The following DGKI variants were observed in gnomAD, a reference collection of about 807,000 sequenced individuals.
DGKI encodes the protein diacylglycerol kinase iota.
In DGKI, 55 loss-of-function variants were observed where a neutral mutation model predicts 147.5. The ratio of observed to expected loss-of-function variants is 0.37; its 90% CI spans 0.30 to 0.47. The LOEUF is 0.47. Ranked by LOEUF, DGKI falls within the 20% of genes least tolerant of loss-of-function variation. The pLI, the probability that DGKI is intolerant of heterozygous loss-of-function variation, is 1.00. For missense variants in DGKI, 1,007 were observed against 1,323.8 expected, an observed-to-expected ratio of 0.76 and a Z score of 3.71; for synonymous variants, 469 against 477.1, an observed-to-expected ratio of 0.98 and a Z score of 0.22.
intron 1 of DGKI, among the ~76,000 whole-genome samples, chr7:137,765,482 TCTTCCAA>T (rs902493901): frequency 9.6e-4 from 147 of 152,358 alleles, no homozygotes; most frequent in African/African-American, 3.5e-3. Flanking sequence ...TCTTGTGCCC[TCTTCCAA>T]CTTGCTGGCA....
intron 20 of DGKI, among the ~76,000 whole-genome samples, chr7:137,540,012 C>G (rs146178854): frequency 1.2e-4 from 19 of 152,146 alleles, no homozygotes; most frequent in Admixed American, 3.9e-4. Flanking sequence ...TCAAATACTT[C>G]GAGCAACTAT....
chr7:137,567,783 TG>T (rs1818640351), intron 19 of DGKI, among the ~76,000 whole-genome samples: 1 of 152,216 alleles, frequency 6.6e-6, no homozygotes. Flanking sequence ...AATAATATAC[TG>T]TTATTGTGGT....
At chr7:137,630,356 C>T (rs1250166859) in intron 6 of DGKI, among the ~76,000 whole-genome samples, 1 of 152,124 alleles carries the variant, frequency 6.6e-6, no homozygotes, top group Non-Finnish European at 1.5e-5. Context: ...TTAATCAAAG[C>T]CAATCACCCC....
At chr7:137,807,330 A>T (rs1412703970) in intron 1 of DGKI, among the ~76,000 whole-genome samples, 1 of 152,244 alleles carries the variant, frequency 6.6e-6, no homozygotes, top group Non-Finnish European at 1.5e-5. Context: ...GCTGCTAGGA[A>T]TCAGTAACAG....
chr7:137,429,216 T>C (rs10272842), intron 28 of DGKI, among the ~76,000 whole-genome samples: 18,638 of 151,244 alleles, frequency 0.12, 1,228 homozygotes, highest in East Asian at 0.19. Flanking sequence ...TATAGATCAA[T>C]GGAACAGAAC....
intron 1 of DGKI, among the ~76,000 whole-genome samples, chr7:137,751,126 CA>C (rs2116757084): frequency 6.6e-6 from 1 of 152,264 alleles, no homozygotes; most frequent in East Asian, 1.9e-4. Context: ...GGCTTCATGT[CA>C]AATAACTTAC....
intron 21 of DGKI, among the ~76,000 whole-genome samples, chr7:137,507,480 G>A (rs563785239): frequency 4.8e-4 from 73 of 152,162 alleles, no homozygotes; most frequent in Non-Finnish European, 9.4e-4. Flanking sequence ...TAAGGAACAT[G>A]CAACTCACTT....
chr7:137,582,609 T>A (rs1289597023), intron 14 of DGKI, among the ~76,000 whole-genome samples: 1 of 152,250 alleles, frequency 6.6e-6, no homozygotes, highest in African/African-American at 2.4e-5. Context: ...ATCTTTATTA[T>A]GACCATGAAA....
chr7:137,816,137 G>A (rs1206216348), intron 1 of DGKI, among the ~76,000 whole-genome samples: 1 of 152,098 alleles, frequency 6.6e-6, no homozygotes, highest in Non-Finnish European at 1.5e-5. Context: ...GTCCATCTAT[G>A]TTTTGGATGC....
intron 10 of DGKI, among the ~76,000 whole-genome samples, chr7:137,603,724 G>A (rs990942217): frequency 6.6e-6 from 1 of 152,180 alleles, no homozygotes; most frequent in South Asian, 2.1e-4. Flanking sequence ...TGAAAAATGA[G>A]TAGACTTAAC....
In DGKI at chr7:137,800,157, T is replaced by C. The variant is rs1479803954; in HGVS notation, c.401+46305A>G. On this transcript the variant is annotated intron_variant, in intron 1 of 32. Transcript: ENST00000614521. ...GAATATGGCAAGGTTGGAGTTGAGA[T>C]TGTTGCTCAACAGAATTGGCAAATA... Among the ~76,000 whole-genome samples the C allele has an allele frequency of 2.6e-5, 4 of 152,108 alleles. No homozygotes were observed. In the East Asian group the frequency reaches 7.7e-4, roughly 29 times the overall value.
chr7:137,718,240 T>C (rs1474647260), intron 1 of DGKI, among the ~76,000 whole-genome samples: 4 of 152,156 alleles, frequency 2.6e-5, no homozygotes, highest in Admixed American at 6.5e-5. Context: ...GTAATATTAT[T>C]GTTGTGGTTG....
intron 1 of DGKI, among the ~76,000 whole-genome samples, chr7:137,726,765 A>T (rs1346783308): frequency 6.6e-6 from 1 of 152,172 alleles, no homozygotes; most frequent in Non-Finnish European, 1.5e-5. Context: ...GGGTTCAAAG[A>T]TTTTTAGCTA....
chr7:137,701,694 A>T (rs528009584), intron 1 of DGKI, among the ~76,000 whole-genome samples: 2 of 152,184 alleles, frequency 1.3e-5, no homozygotes, highest in Non-Finnish European at 2.9e-5. Context: ...AAAATTAAAG[A>T]TGTAAATAAA....
chr7:137,753,862 G>A (rs923608195), intron 1 of DGKI, among the ~76,000 whole-genome samples: 1 of 152,118 alleles, frequency 6.6e-6, no homozygotes, highest in Non-Finnish European at 1.5e-5. Flanking sequence ...CTCCTACAGA[G>A]CAGCCCCAAA....
chr7:137,791,464 C>T (rs1012988074), intron 1 of DGKI, among the ~76,000 whole-genome samples: 7 of 152,094 alleles, frequency 4.6e-5, no homozygotes, highest in African/African-American at 1.7e-4. Flanking sequence ...TTACAAAAGG[C>T]AAGCCAACTT....
intron 20 of DGKI, among the ~76,000 whole-genome samples, chr7:137,538,555 C>T (rs748154126): frequency 5.3e-5 from 8 of 152,302 alleles, no homozygotes; most frequent in East Asian, 3.9e-4. Context: ...TGGTATATTA[C>T]ACTTAACATA....
chr7:137,457,418 T>C (rs1268377248), intron 27 of DGKI, among the ~76,000 whole-genome samples: 1 of 152,178 alleles, frequency 6.6e-6, no homozygotes, highest in Non-Finnish European at 1.5e-5. Context: ...TAAGCACAAT[T>C]ACCCTTTTTA....
intron 1 of DGKI, among the ~76,000 whole-genome samples, chr7:137,816,510 A>T (rs530571334): frequency 6.6e-6 from 1 of 152,298 alleles, no homozygotes; most frequent in South Asian, 2.1e-4. Flanking sequence ...ACATTCTTCC[A>T]CTCAGAACAC....
Sources: gnomAD v4.1 joint callset for allele counts (sites outside exome capture counted in the v4.1 genomes callset) on GRCh38, gnomAD v4.1.1 for gene constraint, MANE v1.5 for transcripts, NCBI Gene and HGNC (gene_info 2026-07-23, HGNC 2026-07-21) for gene names.